Variants in CPQ observed in about 807,000 individuals in gnomAD.
The protein encoded by CPQ is Ser-Met dipeptidase.
Under a neutral mutation model 45.7 loss-of-function variants are expected in CPQ, and 37 were observed. The ratio of observed to expected loss-of-function variants is 0.81; its 90% CI spans 0.62 to 1.07. CPQ has a LOEUF of 1.07. Ranked by LOEUF, CPQ falls within the 50% of genes least tolerant of loss-of-function variation. The probability of loss-of-function intolerance (pLI) is 0.00; values close to 1 mark genes in which losing one functional copy is unlikely to be tolerated. For missense variants in CPQ, 537 were observed against 572.9 expected (o/e 0.94, Z 0.64); for synonymous variants, 186 against 205.8 (o/e 0.90, Z 0.82).
At chr8:96,877,260 C>A (rs114048061) in intron 3 of CPQ, among the ~76,000 whole-genome samples, 2,483 of 152,238 alleles carry the variant, frequency 0.016, 67 homozygotes, top group African/African-American at 0.054. Context: ...GAAACAAATT[C>A]AAAGGTTTTT....
chr8:97,121,926 G>A lies in CPQ; in HGVS notation c.1256-21094G>A, dbSNP rs550560847. Among the ~76,000 whole-genome samples, 8 of 152,042 alleles carry A rather than the reference G, an allele frequency of 5.3e-5. No individual in the cohort carries two copies. The South Asian group carries it at 1.5e-3, about 28-fold the overall frequency. On this transcript the variant is annotated intron_variant, in intron 7 of 7. Transcript: ENST00000220763. ...TGCCAAATAAAAGATACATGAACTC[G>A]AAAAGATAGTGATAGAAGCAATTCA...
chr8:97,110,282 GT>G (rs1475814352), intron 7 of CPQ, among the ~76,000 whole-genome samples: 16 of 152,192 alleles, frequency 1.1e-4, no homozygotes, highest in African/African-American at 3.9e-4. Context: ...CATCCACGCT[GT>G]TGCATTTATC....
At chr8:96,919,937 T>C (rs972159323) in intron 4 of CPQ, among the ~76,000 whole-genome samples, 1 of 152,132 alleles carries the variant, frequency 6.6e-6, no homozygotes, top group Non-Finnish European at 1.5e-5. Context: ...CTCCTTCACT[T>C]ACCAAATAAA....
intron 7 of CPQ, among the ~76,000 whole-genome samples, chr8:97,131,577 C>T (rs990162985): frequency 1.3e-4 from 20 of 152,174 alleles, no homozygotes. Flanking sequence ...GTTTCAGACT[C>T]TTGGTCCCTC....
At chr8:97,110,493 C>T (rs191353544) in intron 7 of CPQ, among the ~76,000 whole-genome samples, 2 of 152,146 alleles carry the variant, frequency 1.3e-5, no homozygotes, top group South Asian at 2.1e-4. Flanking sequence ...GTGGGATTGC[C>T]AGGTCACAGG....
chr8:96,679,695 T>C (rs1809124524), intron 1 of CPQ, among the ~76,000 whole-genome samples: 1 of 152,054 alleles, frequency 6.6e-6, no homozygotes, highest in South Asian at 2.1e-4. Context: ...TTCCATTTGT[T>C]AAAATATAGC....
intron 1 of CPQ, among the ~76,000 whole-genome samples, chr8:96,685,367 G>A (rs1387397748): frequency 6.6e-6 from 1 of 151,866 alleles, no homozygotes; most frequent in Non-Finnish European, 1.5e-5. Context: ...GGGTTCTTAT[G>A]TTTAAATCTT....
At chr8:97,020,815 T>C (rs1477160312) in intron 5 of CPQ, among the ~76,000 whole-genome samples, 3 of 151,998 alleles carry the variant, frequency 2.0e-5, no homozygotes, top group African/African-American at 7.2e-5. Context: ...TGGTACCAAT[T>C]CTATTGACAC....
chr8:96,660,110 C>G (rs1049525055), intron 1 of CPQ, among the ~76,000 whole-genome samples: 2 of 152,184 alleles, frequency 1.3e-5, no homozygotes, highest in African/African-American at 4.8e-5. Flanking sequence ...AGTGCTACCA[C>G]AACAAAATCC....
chr8:96,917,573 A>G (rs1812749727), intron 4 of CPQ, among the ~76,000 whole-genome samples: 1 of 152,098 alleles, frequency 6.6e-6, no homozygotes, highest in Non-Finnish European at 1.5e-5. Flanking sequence ...GGTTCTTTTT[A>G]GTGGAGAATG....
In CPQ at chr8:96,747,088, C is replaced by T. The variant is rs1180330005; in HGVS notation, c.-34-37776C>T. ...GGTGGATCACCTGAGGTTGGGAGTTCGAGACCAGCCTGGCCAACATGTTGA... is the reference window on the plus strand; with the variant it reads ...GGTGGATCACCTGAGGTTGGGAGTTTGAGACCAGCCTGGCCAACATGTTGA... On this transcript the variant is annotated intron_variant, in intron 1 of 7. Transcript: ENST00000220763. 1.2e-3 allele frequency among the ~76,000 whole-genome samples: 180 copies of T among 151,984 alleles called. 2 individuals are homozygous for T. The highest frequency in any genetic ancestry group is 1.9e-4 in the East Asian group (1 of 5,164).
At chr8:96,740,005 A>G (rs1321055877) in intron 1 of CPQ, among the ~76,000 whole-genome samples, 4 of 152,116 alleles carry the variant, frequency 2.6e-5, no homozygotes, top group Non-Finnish European at 5.9e-5. Context: ...GAAGAAAGTC[A>G]TTGGTAGCTT....
intron 5 of CPQ, among the ~76,000 whole-genome samples, chr8:96,973,703 T>C (rs1220371812): frequency 1.3e-5 from 2 of 152,164 alleles, no homozygotes; most frequent in Non-Finnish European, 2.9e-5. Context: ...TAGATGGGAT[T>C]GGGGTCCTCT....
intron 6 of CPQ, among the ~76,000 whole-genome samples, chr8:97,059,493 CA>C (rs1810510850): frequency 6.6e-6 from 1 of 152,090 alleles, no homozygotes; most frequent in Non-Finnish European, 1.5e-5. Flanking sequence ...CAAAGCTGTT[CA>C]AAACTGAGTG....
intron 7 of CPQ, among the ~76,000 whole-genome samples, chr8:97,080,372 A>G (rs1810924408): frequency 6.6e-6 from 1 of 151,856 alleles, no homozygotes. Flanking sequence ...CATTTCACTG[A>G]TTTCTTATAA....
At chr8:97,141,198 T>C (rs904170434) in intron 7 of CPQ, among the ~76,000 whole-genome samples, 6 of 152,058 alleles carry the variant, frequency 3.9e-5, no homozygotes, top group African/African-American at 1.4e-4. Flanking sequence ...TCCAACTACA[T>C]TGAAAGTAAA....
At chr8:96,957,758 C>T (rs541534639) in intron 4 of CPQ, among the ~76,000 whole-genome samples, 4 of 151,800 alleles carry the variant, frequency 2.6e-5, no homozygotes, top group African/African-American at 7.3e-5. Context: ...AAGATCACAC[C>T]TCTGCACTCC....
intron 7 of CPQ, among the ~76,000 whole-genome samples, chr8:97,099,143 G>GTGA (rs1811259256): frequency 2.1e-4 from 3 of 14,036 alleles, no homozygotes; most frequent in Non-Finnish European, 4.0e-4. Context: ...TTTTTTTTTT[G>GTGA]TGATGAAGTC....
chr8:96,810,775 A>G (rs991128698), intron 2 of CPQ, among the ~76,000 whole-genome samples: 16 of 152,172 alleles, frequency 1.1e-4, no homozygotes, highest in African/African-American at 3.9e-4. Context: ...AGAGACAGCT[A>G]TAGTCTTGTC....
Sources: allele counts gnomAD v4.1 joint callset (sites outside exome capture counted in the v4.1 genomes callset), GRCh38; gene constraint gnomAD v4.1.1; transcripts MANE v1.5; gene names NCBI Gene and HGNC (gene_info 2026-07-23, HGNC 2026-07-21).